The following MYO15A variants were observed in gnomAD, a reference collection of about 807,000 sequenced individuals.
The protein encoded by MYO15A is myosin XVA, also known as unconventional myosin-XV.
Under a neutral mutation model 394.6 loss-of-function variants are expected in MYO15A, and 308 were observed. The observed-to-expected ratio is 0.78, with a 90% CI of 0.71 to 0.86. The LOEUF (loss-of-function observed/expected upper bound fraction) is 0.86, where lower values mean the gene tolerates loss of function less well. Among genes scored for constraint, MYO15A ranks in the 40% least tolerant of loss-of-function variants. The pLI, the probability that MYO15A is intolerant of heterozygous loss-of-function variation, is 0.00. For synonymous variants in MYO15A, 1,957 were observed against 2,003.8 expected (o/e 0.98, Z 0.62); for missense variants, 4,606 against 4,799.1 (o/e 0.96, Z 1.19).
At position 18,133,296 on chromosome 17, in the gene MYO15A, G is replaced by T; in HGVS notation, c.4392G>T (p.Val1464=). 6.2e-7 allele frequency: 1 copy of T among 1,614,202 alleles called. No individual in the cohort carries two copies. Among genetic ancestry groups the T allele is most frequent in the South Asian group, 1.1e-5 (1 of 91,076 alleles). ...GCCGGCTCCTGGCTGCCATGGAGGT[G>T]TTGGGCTTCAGCAGTGAGGACCAGG... ...DFRRLLAAME[V]LGFSSEDQDS... The change falls in exon 12 of 66, where the codon GTG becomes GTT. Residue 1464 remains valine (V), a synonymous_variant. Transcript: ENST00000647165.
Position 18,148,560 on chromosome 17 carries a change from G to C in MYO15A, c.6756G>C (p.Leu2252=). 1 of 1,552,040 alleles carries C rather than the reference G, an allele frequency of 6.4e-7. No homozygotes were observed. Among genetic ancestry groups the C allele is most frequent in the Non-Finnish European group, 8.7e-7 (1 of 1,147,200 alleles). Residue 2252 remains leucine, a synonymous_variant, in exon 32 of 66, where the codon CTG becomes CTC. Transcript: ENST00000647165. This position sits in a 1 kb window ranked among gnomAD's most constrained non-coding sequence, Gnocchi z 4.8. Reference sequence around the variant, plus strand: ...GGGAAGAGGTGGCTGGAGACATTCTGAGGCACAGGTTGGCTCCTAGGATGC... The same window carrying C: ...GGGAAGAGGTGGCTGGAGACATTCTCAGGCACAGGTTGGCTCCTAGGATGC... ...STGEEVAGDI[L]RHRGLADGWR...
chr17:18,118,799 C>T lies in MYO15A; in HGVS notation c.-2C>T. 1 of 1,608,358 alleles carries T rather than the reference C, an allele frequency of 6.2e-7. No individual in the cohort carries two copies. The highest frequency in any genetic ancestry group is 8.5e-7 in the Non-Finnish European group (1 of 1,177,636). ...AGGCCCTGTAGAGAGCAGGCAGCCACCATGGCGAAGGAGGAAGATGAGGAG... is the reference window on the plus strand; with the variant it reads ...AGGCCCTGTAGAGAGCAGGCAGCCATCATGGCGAAGGAGGAAGATGAGGAG... On this transcript the variant is annotated 5_prime_UTR_variant, in exon 2 of 66. Coordinates refer to ENST00000647165, the MANE Select transcript of MYO15A (RefSeq NM_016239.4).
intron 51 of MYO15A, 73 bp from the exon 52 acceptor site, chr17:18,158,449 CG>C: frequency 7.5e-7 from 1 of 1,335,754 alleles, no homozygotes; most frequent in Non-Finnish European, 1.1e-6. Context: ...CTAGGGGTTG[CG>C]TTGTCAGTTT....
At chr17:18,157,536 TGGCC>T in intron 50 of MYO15A, 182 bp from the exon 51 acceptor site, 1 of 1,247,952 alleles carries the variant, frequency 8.0e-7, no homozygotes, top group Non-Finnish European at 1.1e-6. Flanking sequence ...TATGGTCCTG[TGGCC>T]CTGAGAAAAT....
intron 30 of MYO15A, 123 bp downstream of exon 30, chr17:18,146,230 G>A: frequency 3.0e-6 from 3 of 989,162 alleles, no homozygotes; most frequent in South Asian, 2.8e-5. Context: ...CAGGCATGGA[G>A]GCTGGCCAGG....
At chr17:18,122,893 C>T in intron 2 of MYO15A, 1 of 163,990 alleles carries the variant, frequency 6.1e-6, no homozygotes, top group South Asian at 1.6e-4. Context: ...TTTTGCTGCC[C>T]TTTGAAGTCC....
chr17:18,167,124 A>G (rs2046866071), intron 61 of MYO15A, among the ~76,000 whole-genome samples: 1 of 152,246 alleles, frequency 6.6e-6, no homozygotes. Context: ...GGCCCTGTGC[A>G]GTCCAGCACC....
chr17:18,141,514 C>T, intron 22 of MYO15A, 139 bp from the exon 23 acceptor site: 1 of 844,642 alleles, frequency 1.2e-6, no homozygotes, highest in Non-Finnish European at 2.0e-6. Flanking sequence ...TGCCTTTTTT[C>T]AGATTAGAAT....
rs759523751 is a variant in MYO15A at position 18,119,796 on chromosome 17, C to T, written c.996C>T (p.Tyr332=). ...CTCCTTACAGCTACCACGATGGGTACGAGGGCGAGGCGCACCCTTATGGCT... is the reference window on the plus strand; with the variant it reads ...CTCCTTACAGCTACCACGATGGGTATGAGGGCGAGGCGCACCCTTATGGCT... ...YSSPYSYHDG[Y]EGEAHPYGYY... Residue 332 remains tyrosine, a synonymous_variant, in exon 2 of 66, where the codon TAC becomes TAT. Coordinates refer to ENST00000647165, the MANE Select transcript of MYO15A (RefSeq NM_016239.4). The T allele has an allele frequency of 1.9e-6, 3 of 1,613,120 alleles. No homozygotes were observed. Among genetic ancestry groups the T allele is most frequent in the Non-Finnish European group, 1.7e-6 (2 of 1,179,990 alleles).
chr17:18,137,121 G>A (rs2046294350), intron 15 of MYO15A, among the ~76,000 whole-genome samples: 1 of 152,236 alleles, frequency 6.6e-6, no homozygotes, highest in African/African-American at 2.4e-5. Context: ...TGTTTTGTGA[G>A]TGCACAGCAA....
rs200409048 is a variant in MYO15A, at chr17:18,158,486, G to T, written c.8968-37G>T. 3.1e-3 allele frequency: 4,969 copies of T among 1,585,440 alleles called. 11 individuals are homozygous for T. Among genetic ancestry groups the T allele is most frequent in the Non-Finnish European group, 3.8e-3 (4,368 of 1,154,442 alleles). On this transcript the variant is annotated intron_variant, in intron 51 of 65. Coordinates refer to ENST00000647165, the MANE Select transcript of MYO15A (RefSeq NM_016239.4). Reference sequence around the variant, plus strand: ...TGACCGAAGGGCTAGGCGTGGTGTGGCCGGACTGGGCCTTCCTAGCTCCGC... The same window carrying T: ...TGACCGAAGGGCTAGGCGTGGTGTGTCCGGACTGGGCCTTCCTAGCTCCGC...
rs773269759 is a variant in MYO15A at position 18,139,568 on chromosome 17, T to C, written c.5168T>C (p.Val1723Ala). 4.3e-6 allele frequency: 7 copies of C among 1,614,046 alleles called. No individual in the cohort carries two copies. The highest frequency in any genetic ancestry group is 5.9e-6 in the Non-Finnish European group (7 of 1,179,994). ...HKFLDKNHDQ[V>A]RQDVLDLFVR... ...TTCCTGGACAAGAACCACGACCAAG[T>C]GCGCCAGGATGTGCTGGACCTGTTC... is the stretch of plus-strand genomic sequence containing the variant. The change falls in exon 19 of 66, where the codon GTG becomes GCG. Residue 1723 changes from valine (V) to alanine (A), a missense_variant. Val to Ala is a moderately conservative substitution (Grantham distance 64). Coordinates refer to ENST00000647165, the MANE Select transcript of MYO15A (RefSeq NM_016239.4).
rs374708771 is a variant in MYO15A, at chr17:18,151,445, T to C, written c.7705T>C (p.Phe2569Leu). 3.1e-6 allele frequency: 5 copies of C among 1,614,060 alleles called. No homozygotes were observed. The African/African-American group carries it at 5.3e-5, about 17-fold the overall frequency. ...VRYSTLNSEH[F>L]PQPTQQIKNI... ...GTACTCTACGCTCAACTCTGAGCACTTCCCACAGCCCACACAGCAGATCAA... is the reference window on the plus strand; with the variant it reads ...GTACTCTACGCTCAACTCTGAGCACCTCCCACAGCCCACACAGCAGATCAA... The change falls in exon 40 of 66, where the codon TTC (phenylalanine) becomes CTC (leucine). Residue 2569 changes from phenylalanine to leucine, a missense_variant. By Grantham distance (22) the Phe-to-Leu change is conservative. Around this residue, in one of 2 missense-constraint regions of MYO15A, gnomAD observed 2,776 missense variants for 3,109.3 expected, o/e 0.89. Coordinates refer to ENST00000647165, the MANE Select transcript of MYO15A (RefSeq NM_016239.4).
intron 1 of MYO15A, among the ~76,000 whole-genome samples, chr17:18,114,675 C>T (rs2045763390): frequency 6.6e-6 from 1 of 152,188 alleles, no homozygotes; most frequent in South Asian, 2.1e-4. Flanking sequence ...CATTAGTCAG[C>T]TCTCCATTCT....
Position 18,121,514 on chromosome 17 carries a change from A to T in MYO15A, c.2714A>T (p.Glu905Val). The T allele has an allele frequency of 6.4e-7, 1 of 1,556,904 alleles. No individual in the cohort carries two copies. The highest frequency in any genetic ancestry group is 8.7e-7 in the Non-Finnish European group (1 of 1,151,102). The change falls in exon 2 of 66, where the codon GAA (glutamate) becomes GTA (valine). Residue 905 changes from glutamate to valine, a missense_variant. By Grantham distance (121) the Glu-to-Val change is moderately radical (BLOSUM62 -2). Around this residue, in one of 2 missense-constraint regions of MYO15A, gnomAD observed 1,830 missense variants for 1,689.7 expected, o/e 1.08. Coordinates refer to ENST00000647165, the MANE Select transcript of MYO15A (RefSeq NM_016239.4). This position sits in a 1 kb window ranked among gnomAD's most constrained non-coding sequence, Gnocchi z 5.3. ...GCCGGGGCCTGGCGGGCGCCCCTGG[A>T]ACACCGGGAGAGCCCGCGAGAACCC... ...PRAGAWRAPL[E>V]HRESPREPED... is the part of the protein sequence containing the mutation.
intron 65 of MYO15A, chr17:18,178,406 C>T: frequency 5.0e-6 from 2 of 402,238 alleles, no homozygotes; most frequent in South Asian, 4.6e-5. Context: ...AATAAAGCCT[C>T]ACTGAATCCT....
chr17:18,125,634 G>A (rs1250269579), intron 4 of MYO15A: 1 of 256,892 alleles, frequency 3.9e-6, no homozygotes, highest in African/African-American at 2.3e-5. Context: ...AACCCCAGGA[G>A]GCAGAGCTTG....
chr17:18,156,249 C>A lies in MYO15A; in HGVS notation c.8514C>A (p.Asn2838Lys), dbSNP rs2046672823. 2 of 1,614,090 alleles carry A rather than the reference C, an allele frequency of 1.2e-6. No individual in the cohort carries two copies. Among genetic ancestry groups the A allele is most frequent in the African/African-American group, 1.3e-5 (1 of 74,920 alleles). The change falls in exon 48 of 66, where the codon AAC (asparagine) becomes AAA (lysine). Residue 2838 changes from asparagine (N) to lysine (K), a missense_variant. Coordinates refer to ENST00000647165, the MANE Select transcript of MYO15A (RefSeq NM_016239.4). ...CCTCCCAGAACATGCTGGAGTTCAA[C>A]CTGGCCAGTGAGAAGGTCATCCTCT... ...TMPSQNMLEF[N>K]LASEKVILFS...
In MYO15A at chr17:18,118,724, C is replaced by T; in HGVS notation, c.-77C>T. ...CGCGTGTCCAGCCGCGGGCAAGAGA[C>T]AGAGCAGGTCCCTGTGTCTCCAAGT... is the stretch of plus-strand genomic sequence containing the variant. On this transcript the variant is annotated 5_prime_UTR_variant, in exon 2 of 66. It introduces an in-frame stop codon into an upstream open reading frame of the 5' UTR. Coordinates refer to ENST00000647165, the MANE Select transcript of MYO15A (RefSeq NM_016239.4). 1 of 1,600,206 alleles carries T rather than the reference C, an allele frequency of 6.2e-7. No homozygotes were observed. The highest frequency in any genetic ancestry group is 2.3e-5 in the East Asian group (1 of 44,286).
Sources: allele counts gnomAD v4.1 joint callset (sites outside exome capture counted in the v4.1 genomes callset), GRCh38; gene constraint gnomAD v4.1.1; regional missense constraint gnomAD v4.1.1; non-coding constraint Gnocchi (gnomAD v3.1); transcripts MANE v1.5; gene names NCBI Gene and HGNC (gene_info 2026-07-23, HGNC 2026-07-21).